The following HES7 variants were observed in gnomAD, a reference collection of about 807,000 sequenced individuals.
HES7 encodes transcription factor HES-7.
A neutral mutation model predicts 18.0 loss-of-function variants in HES7; 8 were observed. That is an observed-to-expected ratio of 0.45 (90% confidence interval 0.26 to 0.80). The LOEUF is 0.80. HES7 is among the 30% of genes least tolerant of loss of function. The pLI, the probability that HES7 is intolerant of heterozygous loss-of-function variation, is 0.18. For missense variants in HES7, 356 were observed against 340.9 expected (o/e 1.04, Z -0.35); for synonymous variants, 170 against 158.6 (o/e 1.07, Z -0.54).
chr17:8,124,711 G>A (rs1434223525), upstream of HES7, among the ~76,000 whole-genome samples: 1 of 152,164 alleles, frequency 6.6e-6, no homozygotes, highest in Non-Finnish European at 1.5e-5. Flanking sequence ...AGTGAGATAC[G>A]CAGGAGAGAC....
At chr17:8,125,589 G>C (rs561205471), upstream of HES7, among the ~76,000 whole-genome samples, 584 of 152,322 alleles carry the variant, frequency 3.8e-3, 4 homozygotes, top group Middle Eastern at 0.01. Context: ...GCGGCTTTAT[G>C]GCCCGGTGGC....
chr17:8,122,112 G>C lies in HES7; in HGVS notation c.227-75C>G, dbSNP rs1258766358. On this transcript the variant is annotated intron_variant, in intron 3 of 3. Coordinates refer to ENST00000541682, the MANE Select transcript of HES7 (RefSeq NM_001165967.2). This position sits in a 1 kb window ranked among gnomAD's most constrained non-coding sequence, Gnocchi z 6.9. ...GGTGAGGGAAGGGGCGGGGCGCAGA[G>C]ATACCAAGGCCGGACAGGCGCACAG... is the stretch of plus-strand genomic sequence containing the variant. 1.5e-6 allele frequency: 2 copies of C among 1,320,690 alleles called. No individual in the cohort carries two copies. Among genetic ancestry groups the C allele is most frequent in the African/African-American group, 3.0e-5 (2 of 66,396 alleles). The allele number at this position is 1,320,690 out of a possible 1,614,324, so 81.8% of individuals were successfully genotyped here.
chr17:8,122,924 G>C lies in HES7; in HGVS notation c.138+107C>G, dbSNP rs771726364. 3.6e-6 allele frequency: 3 copies of C among 834,434 alleles called. No individual in the cohort carries two copies. Among genetic ancestry groups the C allele is most frequent in the African/African-American group, 1.7e-5 (1 of 59,478 alleles). 51.7% of individuals were successfully genotyped at this position (834,434 alleles called of 1,614,324 possible). On this transcript the variant is annotated intron_variant, in intron 2 of 3. Coordinates refer to ENST00000541682, the MANE Select transcript of HES7 (RefSeq NM_001165967.2). This position sits in a 1 kb window ranked among gnomAD's most constrained non-coding sequence, Gnocchi z 6.9. ...CCAAAGGCGGGACTCGGGTGAGGAT[G>C]CCTTGGGGCCAGGGTTGCCAACCAA...
At chr17:8,125,811 A>G (rs945368885), upstream of HES7, among the ~76,000 whole-genome samples, 1 of 152,226 alleles carries the variant, frequency 6.6e-6, no homozygotes, top group Admixed American at 6.5e-5. Flanking sequence ...ATTCCCGGCC[A>G]ATGCACGAGT....
Position 8,121,547 on chromosome 17 carries a change from C to T in HES7, c.*24G>A. 1 of 1,298,068 alleles carries T rather than the reference C, an allele frequency of 7.7e-7. No homozygotes were observed. 80.4% of individuals were successfully genotyped at this position (1,298,068 alleles called of 1,614,324 possible). A position where few individuals can be genotyped will look rare whatever the true frequency, so the allele number is the denominator to read the frequency against. ...TGGAGTCTCTACCCCACCCCTAGACCCCGCCCCCACCACCCCCCAAGGCTC... is the reference window on the plus strand; with the variant it reads ...TGGAGTCTCTACCCCACCCCTAGACTCCGCCCCCACCACCCCCCAAGGCTC... On this transcript the variant is annotated 3_prime_UTR_variant, in exon 4 of 4. Transcript: ENST00000541682.
In HES7 at chr17:8,123,144, A is replaced by C. The variant is rs1215757428; in HGVS notation, c.43-18T>G. 3.8e-6 allele frequency: 6 copies of C among 1,589,900 alleles called. No individual in the cohort carries two copies. The highest frequency in any genetic ancestry group is 3.5e-5 in the Admixed American group (2 of 57,692). ...TTGAGCATCTGCGACCAGCGAGAAA[A>C]GGAGAGCGGGCCGACCAGACCGAGA... On this transcript the variant is annotated intron_variant, in intron 1 of 3. Coordinates refer to ENST00000541682, the MANE Select transcript of HES7 (RefSeq NM_001165967.2). The surrounding 1 kb of genome is among the most constrained non-coding windows in gnomAD (Gnocchi z 5.9).
Position 8,123,239 on chromosome 17 carries a change from C to T in HES7, c.43-113G>A, listed in dbSNP as rs568312773. On this transcript the variant is annotated intron_variant, in intron 1 of 3. Coordinates refer to ENST00000541682, the MANE Select transcript of HES7 (RefSeq NM_001165967.2). The surrounding 1 kb of genome is among the most constrained non-coding windows in gnomAD (Gnocchi z 5.9). ...CCGGCTTCCACCCCGGCCACAAGAC[C>T]CCAGATTGCCTAGGGCCGGCCCCAT... 2.5e-6 allele frequency: 2 copies of T among 796,722 alleles called. No homozygotes were observed. Among genetic ancestry groups the T allele is most frequent in the Non-Finnish European group, 2.1e-6 (1 of 471,844 alleles). 49.4% of individuals were successfully genotyped at this position (796,722 alleles called of 1,614,324 possible).
chr17:8,125,776 C>T (rs953255570), upstream of HES7, among the ~76,000 whole-genome samples: 3 of 152,344 alleles, frequency 2.0e-5, no homozygotes, highest in East Asian at 3.9e-4. Context: ...GAATTCTCGC[C>T]TGCCACGCGG....
Position 8,121,327 on chromosome 17 carries a change from G to A in HES7, c.*244C>T. On this transcript the variant is annotated 3_prime_UTR_variant, in exon 4 of 4. Coordinates refer to ENST00000541682, the MANE Select transcript of HES7 (RefSeq NM_001165967.2). ...CGGGAAGGGACTGGGACTGGGCTGA[G>A]GGGCAGAGAGAGTACAATCCTAGAC... 2.6e-6 allele frequency: 1 copy of A among 378,926 alleles called. No homozygotes were observed. Among genetic ancestry groups the A allele is most frequent in the Non-Finnish European group, 4.7e-6 (1 of 214,464 alleles). 23.5% of individuals were successfully genotyped at this position (378,926 alleles called of 1,614,324 possible).
At position 8,121,302 on chromosome 17, in the gene HES7, C is replaced by G; in HGVS notation, c.*269G>C. ...CACTTTATTCCATGCACTAGGGACT[C>G]GGGAAGGGACTGGGACTGGGCTGAG... On this transcript the variant is annotated 3_prime_UTR_variant, in exon 4 of 4. Coordinates refer to ENST00000541682, the MANE Select transcript of HES7 (RefSeq NM_001165967.2). 2.8e-6 allele frequency: 1 copy of G among 354,804 alleles called. No individual in the cohort carries two copies. The highest frequency in any genetic ancestry group is 5.0e-6 in the Non-Finnish European group (1 of 199,156). 22.0% of individuals were successfully genotyped at this position (354,804 alleles called of 1,614,324 possible).
Position 8,121,536 on chromosome 17 carries a change from C to G in HES7, c.*35G>C, listed in dbSNP as rs565453136. ...TGCCCTCGGGCTGGAGTCTCTACCCCACCCCTAGACCCCGCCCCCACCACC... is the reference window on the plus strand; with the variant it reads ...TGCCCTCGGGCTGGAGTCTCTACCCGACCCCTAGACCCCGCCCCCACCACC... On this transcript the variant is annotated 3_prime_UTR_variant, in exon 4 of 4. Coordinates refer to ENST00000541682, the MANE Select transcript of HES7 (RefSeq NM_001165967.2). 2.0e-4 allele frequency: 256 copies of G among 1,286,394 alleles called. No homozygotes were observed. In the African/African-American group the frequency reaches 3.6e-3, roughly 18 times the overall value. The allele number at this position is 1,286,394 out of a possible 1,614,324, so 79.7% of individuals were successfully genotyped here. A position where few individuals can be genotyped will look rare whatever the true frequency, so the allele number is the denominator to read the frequency against.
chr17:8,121,328 G>T lies in HES7; in HGVS notation c.*243C>A. On this transcript the variant is annotated 3_prime_UTR_variant, in exon 4 of 4. Coordinates refer to ENST00000541682, the MANE Select transcript of HES7 (RefSeq NM_001165967.2). ...GGGAAGGGACTGGGACTGGGCTGAG[G>T]GGCAGAGAGAGTACAATCCTAGACG... is the stretch of plus-strand genomic sequence containing the variant. 1 of 379,254 alleles carries T rather than the reference G, an allele frequency of 2.6e-6. No individual in the cohort carries two copies. Among genetic ancestry groups the T allele is most frequent in the Non-Finnish European group, 4.7e-6 (1 of 214,702 alleles). 23.5% of individuals were successfully genotyped at this position (379,254 alleles called of 1,614,324 possible).
upstream of HES7, among the ~76,000 whole-genome samples, chr17:8,125,839 C>T (rs1336553563): frequency 6.6e-6 from 1 of 152,034 alleles, no homozygotes; most frequent in Non-Finnish European, 1.5e-5. Context: ...TCTTTTCTCC[C>T]CTCCAAAAAA....
At position 8,123,570 on chromosome 17, in the gene HES7, G is replaced by A; in HGVS notation, c.43-444C>T. 2 of 313,204 alleles carry A rather than the reference G, an allele frequency of 6.4e-6. No individual in the cohort carries two copies. The highest frequency in any genetic ancestry group is 1.2e-5 in the Non-Finnish European group (2 of 166,362). 19.4% of individuals were successfully genotyped at this position (313,204 alleles called of 1,614,324 possible). A position where few individuals can be genotyped will look rare whatever the true frequency, so the allele number is the denominator to read the frequency against. ...CCTCTTTTCCCTCAAAACCCTCCAGGCCTTCACCTTCTCCACGGTTCTCCT... is the reference window on the plus strand; with the variant it reads ...CCTCTTTTCCCTCAAAACCCTCCAGACCTTCACCTTCTCCACGGTTCTCCT... On this transcript the variant is annotated intron_variant, in intron 1 of 3. Transcript: ENST00000541682. This position sits in a 1 kb window ranked among gnomAD's most constrained non-coding sequence, Gnocchi z 5.9.
Position 8,121,814 on chromosome 17 carries a change from TG to T in HES7, c.449del (p.Pro150HisfsTer224). 1.9e-6 allele frequency: 3 copies of T among 1,565,392 alleles called. No homozygotes were observed. Among genetic ancestry groups the T allele is most frequent in the Non-Finnish European group, 2.6e-6 (3 of 1,167,006 alleles). Reference sequence around the variant, plus strand: ...GGGCCGGTGCGGCGGGGTCCAGGGATGGGCGCGGCGCTGGAGGCCTCGGATC... The same window carrying T: ...GGGCCGGTGCGGCGGGGTCCAGGGATGGCGCGGCGCTGGAGGCCTCGGATC... The part of the protein sequence containing the change: ...PVDPRPPAPR[P>X]SLDPAAPALG... On this transcript the variant is annotated frameshift_variant, in exon 4 of 4. Coordinates refer to ENST00000541682, the MANE Select transcript of HES7 (RefSeq NM_001165967.2). LOFTEE classifies it high-confidence loss of function.
Position 8,123,300 on chromosome 17 carries a change from G to C in HES7, c.43-174C>G, listed in dbSNP as rs975303757. The C allele has an allele frequency of 1.6e-6, 1 of 626,734 alleles. No homozygotes were observed. The highest frequency in any genetic ancestry group is 2.9e-6 in the Non-Finnish European group (1 of 347,724). 38.8% of individuals were successfully genotyped at this position (626,734 alleles called of 1,614,324 possible). On this transcript the variant is annotated intron_variant, in intron 1 of 3. Transcript: ENST00000541682. This position sits in a 1 kb window ranked among gnomAD's most constrained non-coding sequence, Gnocchi z 5.9. ...TCCGCTCCCCCTCCCAATGCCCCTA[G>C]ATCAGTTTCTGTAGCTCGCCTCCCC...
chr17:8,124,907 C>G (rs1434628270), upstream of HES7, among the ~76,000 whole-genome samples: 1 of 152,156 alleles, frequency 6.6e-6, no homozygotes, highest in Non-Finnish European at 1.5e-5. Context: ...TTTCCACTTA[C>G]AGTACAAGTA....
chr17:8,124,693 C>T (rs551713385), upstream of HES7, among the ~76,000 whole-genome samples: 1 of 152,198 alleles, frequency 6.6e-6, no homozygotes, highest in Admixed American at 6.5e-5. Flanking sequence ...TAGGCTCGGG[C>T]GAGTCATAGT....
chr17:8,125,529 G>GA (rs1981560576), upstream of HES7, among the ~76,000 whole-genome samples: 1 of 152,222 alleles, frequency 6.6e-6, no homozygotes, highest in African/African-American at 2.4e-5. Context: ...CGAGGCTGGG[G>GA]GCCCCCGGCT....
Sources: gnomAD v4.1 joint callset for allele counts (sites outside exome capture counted in the v4.1 genomes callset) on GRCh38, gnomAD v4.1.1 for gene constraint, Gnocchi (gnomAD v3.1) non-coding constraint, MANE v1.5 for transcripts, NCBI Gene and HGNC (gene_info 2026-07-23, HGNC 2026-07-21) for gene names.